The following UBE2F variants were observed in gnomAD, a reference collection of about 807,000 sequenced individuals.
UBE2F encodes the protein ubiquitin conjugating enzyme E2 F (putative).
In UBE2F, 5 loss-of-function variants were observed where a neutral mutation model predicts 29.6. The observed-to-expected ratio is 0.17, with a 90% CI of 0.09 to 0.36. The LOEUF (loss-of-function observed/expected upper bound fraction) is 0.36, where lower values mean the gene tolerates loss of function less well. UBE2F is among the 10% of genes least tolerant of loss of function. The pLI is 1.00. For missense variants in UBE2F, 141 were observed against 228.5 expected, an observed-to-expected ratio of 0.62 and a Z score of 2.47; for synonymous variants, 66 against 81.8, an observed-to-expected ratio of 0.81 and a Z score of 1.04.
chr2:237,998,410 A>G (rs1576609466), intron 4 of UBE2F, among the ~76,000 whole-genome samples: 1 of 152,212 alleles, frequency 6.6e-6, no homozygotes, highest in African/African-American at 2.4e-5. Context: ...GGAATCTTAT[A>G]TATGTACTCT....
intron 2 of UBE2F, among the ~76,000 whole-genome samples, chr2:237,987,027 A>G (rs1386343366): frequency 6.6e-6 from 1 of 152,150 alleles, no homozygotes; most frequent in Non-Finnish European, 1.5e-5. Context: ...TCTGTGAAAA[A>G]TGCCATTGGA....
intron 2 of UBE2F, among the ~76,000 whole-genome samples, chr2:237,977,163 G>C (rs2063298250): frequency 6.6e-6 from 1 of 152,172 alleles, no homozygotes; most frequent in African/African-American, 2.4e-5. Flanking sequence ...TCTTTGGCTG[G>C]GTTGACAGGG....
chr2:237,968,852 C>T, intron 1 of UBE2F: 1 of 985,138 alleles, frequency 1.0e-6, no homozygotes, highest in Non-Finnish European at 1.2e-6. Context: ...TGTTTTAAAC[C>T]AGATCTTCAA....
At chr2:238,033,384 G>T (rs1220065130) in intron 8 of UBE2F, among the ~76,000 whole-genome samples, 1 of 152,186 alleles carries the variant, frequency 6.6e-6, no homozygotes, top group Non-Finnish European at 1.5e-5. Context: ...AAGCTTCAGA[G>T]ATCTGTTTGT....
intron 4 of UBE2F, among the ~76,000 whole-genome samples, chr2:238,009,407 G>A (rs2063969297): frequency 6.6e-6 from 1 of 152,104 alleles, no homozygotes; most frequent in Non-Finnish European, 1.5e-5. Context: ...CCTCCATTGG[G>A]TCGCAGGTCT....
Position 237,982,167 on chromosome 2 carries a change from C to T in UBE2F, c.119-5796C>T, listed in dbSNP as rs532737300. Among the ~76,000 whole-genome samples, 1 of 152,290 alleles carries T rather than the reference C, an allele frequency of 6.6e-6. No individual in the cohort carries two copies. The highest frequency in any genetic ancestry group is 2.4e-5 in the African/African-American group (1 of 41,570). On this transcript the variant is annotated intron_variant, in intron 2 of 9. Coordinates refer to ENST00000272930, the MANE Select transcript of UBE2F (RefSeq NM_080678.3). The surrounding 1 kb of genome is among the most constrained non-coding windows in gnomAD (Gnocchi z 4.1). ...AACCAGCAAAACACTCCCCGAGTGG[C>T]GAATGTGCAGCCAGGGCTTCCATTC...
chr2:237,987,900 A>G, intron 2 of UBE2F, 63 bp from the exon 3 acceptor site: 1 of 890,414 alleles, frequency 1.1e-6, no homozygotes, highest in Non-Finnish European at 1.7e-6. Flanking sequence ...TTGCCAATTT[A>G]GAACTGGTGA....
chr2:238,025,299 A>G (rs1306356739), intron 5 of UBE2F, 43 bp from the exon 6 acceptor site: 2 of 1,558,404 alleles, frequency 1.3e-6, no homozygotes, highest in Non-Finnish European at 8.8e-7. Flanking sequence ...TGTGATTTGC[A>G]GAGACTGTCG....
At chr2:238,026,679 C>T (rs563940149) in intron 6 of UBE2F, among the ~76,000 whole-genome samples, 5 of 152,226 alleles carry the variant, frequency 3.3e-5, no homozygotes, top group African/African-American at 7.2e-5. Context: ...GTGATCTGCC[C>T]GCCTCGGCCT....
At chr2:237,980,861 GC>G (rs1412293771) in intron 2 of UBE2F, among the ~76,000 whole-genome samples, 12 of 152,232 alleles carry the variant, frequency 7.9e-5, no homozygotes, top group Admixed American at 7.8e-4. Flanking sequence ...GCGGCAAGGA[GC>G]CAGCAGGAGC....
chr2:237,983,812 C>T (rs2063425029), intron 2 of UBE2F, among the ~76,000 whole-genome samples: 2 of 152,178 alleles, frequency 1.3e-5, no homozygotes, highest in Admixed American at 1.3e-4. Context: ...CCTCTGTGCT[C>T]TTTCACTGAA....
chr2:237,969,698 GT>G (rs1183199259), intron 1 of UBE2F, among the ~76,000 whole-genome samples: 1 of 152,188 alleles, frequency 6.6e-6, no homozygotes, highest in African/African-American at 2.4e-5. Context: ...GGGAGACACT[GT>G]TCCATGACAA....
intron 2 of UBE2F, among the ~76,000 whole-genome samples, chr2:237,979,611 C>T (rs1193209967): frequency 4.6e-5 from 7 of 152,034 alleles, no homozygotes; most frequent in Non-Finnish European, 1.0e-4. Flanking sequence ...GAGCAGTGGC[C>T]CAAGGGGAGG....
chr2:238,040,917 G>A lies in UBE2F; in HGVS notation c.508-371G>A, dbSNP rs2064824276. Among the ~76,000 whole-genome samples, 1 of 152,156 alleles carries A rather than the reference G, an allele frequency of 6.6e-6. No homozygotes were observed. Among genetic ancestry groups the A allele is most frequent in the Admixed American group, 6.5e-5 (1 of 15,282 alleles). ...AATCCAGAAACAAGGGTCTTCCTGA[G>A]AGCAGCAGCTGTGGCTCACATCCAT... On this transcript the variant is annotated intron_variant, in intron 9 of 9. Transcript: ENST00000272930. This position sits in a 1 kb window ranked among gnomAD's most constrained non-coding sequence, Gnocchi z 4.4.
chr2:237,987,104 A>G (rs1409527674), intron 2 of UBE2F, among the ~76,000 whole-genome samples: 1 of 152,190 alleles, frequency 6.6e-6, no homozygotes, highest in Non-Finnish European at 1.5e-5. Context: ...AACAATATTA[A>G]TTCTTCAAAT....
At chr2:237,989,136 G>A (rs553511676) in intron 3 of UBE2F, among the ~76,000 whole-genome samples, 1 of 152,242 alleles carries the variant, frequency 6.6e-6, no homozygotes, top group South Asian at 2.1e-4. Flanking sequence ...CTGGGGCTGA[G>A]GATGTCTGTG....
intron 4 of UBE2F, among the ~76,000 whole-genome samples, chr2:238,002,873 CCA>C (rs1424031817): frequency 1.3e-5 from 2 of 152,124 alleles, no homozygotes; most frequent in South Asian, 2.1e-4. Flanking sequence ...CTCAAGTGAT[CCA>C]TCTGCCTTGG....
At chr2:237,999,218 T>C (rs1348285766) in intron 4 of UBE2F, among the ~76,000 whole-genome samples, 1 of 152,036 alleles carries the variant, frequency 6.6e-6, no homozygotes, top group Non-Finnish European at 1.5e-5. Context: ...TTACTTAACG[T>C]AATGTTTTTG....
At chr2:237,976,605 A>G (rs1489479703) in intron 2 of UBE2F, among the ~76,000 whole-genome samples, 2 of 152,188 alleles carry the variant, frequency 1.3e-5, no homozygotes, top group Non-Finnish European at 2.9e-5. Flanking sequence ...TTCACATGGC[A>G]GAAGAGATGG....
Sources: allele counts gnomAD v4.1 joint callset (sites outside exome capture counted in the v4.1 genomes callset), GRCh38; gene constraint gnomAD v4.1.1; non-coding constraint Gnocchi (gnomAD v3.1); transcripts MANE v1.5; gene names NCBI Gene and HGNC (gene_info 2026-07-23, HGNC 2026-07-21).